COQ8A: variants seen among roughly 807,000 people sequenced by gnomAD.
The protein encoded by COQ8A is coenzyme Q8A, also known as atypical kinase COQ8A, mitochondrial.
A neutral mutation model predicts 65.0 loss-of-function variants in COQ8A; 51 were observed. That is an observed-to-expected ratio of 0.78 (90% CI 0.63 to 0.99). The LOEUF is 0.99. Ranked by LOEUF, COQ8A falls within the 50% of genes least tolerant of loss-of-function variation. The pLI is 0.00. For missense variants in COQ8A, 940 were observed against 875.0 expected, an observed-to-expected ratio of 1.07 and a Z score of -0.94; for synonymous variants, 371 against 353.2, an observed-to-expected ratio of 1.05 and a Z score of -0.57.
intron 11 of COQ8A, 50 bp downstream of exon 11, chr1:226,984,285 G>A (rs1393694951): frequency 1.6e-5 from 26 of 1,608,712 alleles, no homozygotes; most frequent in Non-Finnish European, 2.1e-5. Context: ...CTGCTGTGTG[G>A]CTGTTTGGTG....
chr1:226,986,065 A>G (rs565003305), intron 14 of COQ8A, among the ~76,000 whole-genome samples: 9 of 152,330 alleles, frequency 5.9e-5, no homozygotes, highest in Middle Eastern at 3.4e-3. Flanking sequence ...GTGGGCAGAC[A>G]CACGGCTGCT....
rs1256235907 is a variant in COQ8A at position 226,983,241 on chromosome 1, AG to A, written c.1080+211del. On this transcript the variant is annotated intron_variant, in intron 8 of 14. Transcript: ENST00000366777. ...TAAATGAGTGACTTTGGGGGCACAG[AG>A]GGGCCCCCAGCAAGCTTGATTTGGG... 4.8e-6 allele frequency: 4 copies of A among 832,788 alleles called. No individual in the cohort carries two copies. In the East Asian group the frequency reaches 8.0e-5, roughly 17 times the overall value. 51.6% of individuals were successfully genotyped at this position (832,788 alleles called of 1,614,324 possible).
chr1:226,967,786 G>A (rs1658653622), intron 4 of COQ8A, among the ~76,000 whole-genome samples: 1 of 152,172 alleles, frequency 6.6e-6, no homozygotes, highest in African/African-American at 2.4e-5. Context: ...CCTGATGTAC[G>A]GAGCCATCTG....
At chr1:226,983,443 C>A in intron 8 of COQ8A, 109 bp from the exon 9 acceptor site, 1 of 1,030,952 alleles carries the variant, frequency 9.7e-7, no homozygotes, top group Non-Finnish European at 1.5e-6. Flanking sequence ...AGGGTGTGGG[C>A]TGGGGCCAGG....
chr1:226,962,195 G>C lies in COQ8A; in HGVS notation c.177+633G>C, dbSNP rs189525432. On this transcript the variant is annotated intron_variant, in intron 2 of 14. Transcript: ENST00000366777. Reference sequence around the variant, plus strand: ...CATTTTTCTCCTTCAGTTTGCTGAGGGTCTCTGCACTCCTGACTGGGGGCC... The same window carrying C: ...CATTTTTCTCCTTCAGTTTGCTGAGCGTCTCTGCACTCCTGACTGGGGGCC... Among the ~76,000 whole-genome samples the C allele has an allele frequency of 1.3e-3, 195 of 152,298 alleles. 1 individual carries two copies. Among genetic ancestry groups the C allele is most frequent in the Non-Finnish European group, 2.1e-3 (146 of 68,028 alleles).
chr1:226,960,458 A>AGTG (rs1658155995), intron 1 of COQ8A, among the ~76,000 whole-genome samples: 2 of 11,666 alleles, frequency 1.7e-4, no homozygotes, highest in African/African-American at 5.9e-4. Context: ...TGGTGGTGGC[A>AGTG]GTACTTGGTG....
At chr1:226,945,210 C>T (rs1656960512) in intron 1 of COQ8A, among the ~76,000 whole-genome samples, 1 of 152,146 alleles carries the variant, frequency 6.6e-6, no homozygotes. Flanking sequence ...AATGAGAAAA[C>T]GCAGGCCCCA....
intron 13 of COQ8A, 133 bp downstream of exon 13, chr1:226,985,074 C>G (rs1028843594): frequency 2.3e-6 from 3 of 1,330,930 alleles, no homozygotes; most frequent in Non-Finnish European, 2.1e-6. Context: ...CCCCTCAGGT[C>G]TGGTGACAGC....
At chr1:226,976,912 G>C (rs547116453) in intron 4 of COQ8A, among the ~76,000 whole-genome samples, 59 of 152,270 alleles carry the variant, frequency 3.9e-4, no homozygotes, top group African/African-American at 1.4e-3. Context: ...CCCCTGGCTT[G>C]GATTAGGGGG....
At chr1:226,966,766 T>C (rs901947528) in intron 4 of COQ8A, among the ~76,000 whole-genome samples, 1 of 152,146 alleles carries the variant, frequency 6.6e-6, no homozygotes, top group African/African-American at 2.4e-5. Flanking sequence ...CTGCCTATTC[T>C]CTTTTGGAAA....
rs759913414 is a variant in COQ8A, at chr1:226,984,954, G to A, written c.1572+13G>A. ...CCTCTACATTCAGGTAACTGGAGAG[G>A]GGCCCTGGCCTTGGTCCATGTTTTT... On this transcript the variant is annotated intron_variant, in intron 13 of 14. Coordinates refer to ENST00000366777, the MANE Select transcript of COQ8A (RefSeq NM_020247.5). 6.2e-7 allele frequency: 1 copy of A among 1,613,874 alleles called. No homozygotes were observed. Among genetic ancestry groups the A allele is most frequent in the African/African-American group, 1.3e-5 (1 of 74,928 alleles).
chr1:226,965,437 C>T (rs775252777), intron 3 of COQ8A, 27 bp downstream of exon 3: 30 of 1,598,138 alleles, frequency 1.9e-5, no homozygotes, highest in East Asian at 1.1e-4. Flanking sequence ...CCTGGAGGGC[C>T]GAGGTAGCTG....
In COQ8A at chr1:226,983,697, G is replaced by A. The variant is rs1659860322; in HGVS notation, c.1162+64G>A. 1.9e-6 allele frequency: 3 copies of A among 1,612,024 alleles called. No individual in the cohort carries two copies. In the South Asian group the frequency reaches 3.3e-5, roughly 18 times the overall value. On this transcript the variant is annotated intron_variant, in intron 9 of 14. Transcript: ENST00000366777. The stretch of plus-strand genomic sequence containing the variant: ...TGGCAGGCATCTGTGTTGGGTTCTG[G>A]GGACCAGAGGGGGTCCTCCCTGCAG...
intron 5 of COQ8A, among the ~76,000 whole-genome samples, chr1:226,978,308 C>G (rs1659403849): frequency 6.9e-6 from 1 of 144,608 alleles, no homozygotes; most frequent in African/African-American, 2.5e-5. Flanking sequence ...CTCCACCCAC[C>G]CACCACACAC....
At position 226,983,748 on chromosome 1, in the gene COQ8A, C is replaced by A. The variant is rs577406586; in HGVS notation, c.1163-13C>A. 7.4e-6 allele frequency: 12 copies of A among 1,613,156 alleles called. No homozygotes were observed. The East Asian group carries it at 2.5e-4, about 33-fold the overall frequency. ...AGCCCCCTTCCTCGCTGATGCCCTC[C>A]TCCCTGGCCCAGGCCTGTTCCCCGA... On this transcript the variant is annotated splice_polypyrimidine_tract_variant and intron_variant, in intron 9 of 14. Coordinates refer to ENST00000366777, the MANE Select transcript of COQ8A (RefSeq NM_020247.5).
intron 4 of COQ8A, among the ~76,000 whole-genome samples, chr1:226,971,878 T>G (rs1658928135): frequency 6.6e-6 from 1 of 152,230 alleles, no homozygotes; most frequent in African/African-American, 2.4e-5. Flanking sequence ...CATCTTGAAC[T>G]GTGGCTTCCA....
In COQ8A at chr1:226,983,022, C is replaced by T. The variant is rs929767615; in HGVS notation, c.1068C>T (p.Ala356=). ...GAATGAAGGGCGGCCGCGAGGTGGC[C>T]ATGAAGATCCAGGTAGGCGGCCTGA... ...LARMKGGREV[A]MKIQYPGVAQ... Residue 356 remains alanine, a synonymous_variant, in exon 8 of 15, where the codon GCC becomes GCT. Transcript: ENST00000366777. 30 of 1,588,636 alleles carry T rather than the reference C, an allele frequency of 1.9e-5. No individual in the cohort carries two copies. Among genetic ancestry groups the T allele is most frequent in the East Asian group, 1.8e-4 (8 of 43,348 alleles).
intron 10 of COQ8A, 57 bp downstream of exon 10, chr1:226,983,911 T>C: frequency 3.2e-6 from 5 of 1,579,998 alleles, no homozygotes; most frequent in Non-Finnish European, 3.4e-6. Context: ...GAAGGGACCA[T>C]GTTCAGCAGC....
Position 226,940,403 on chromosome 1 carries a change from A to T in COQ8A, c.-10+4A>T, listed in dbSNP as rs1226811514. ...GATCCCAGCTTCCTGCAGCCAGGTA[A>T]GGCTGCCACCCGCCGGCCCGCCGCG... is the stretch of plus-strand genomic sequence containing the variant. On this transcript the variant is annotated splice_donor_region_variant and intron_variant, in intron 1 of 14. Coordinates refer to ENST00000366777, the MANE Select transcript of COQ8A (RefSeq NM_020247.5). 2 of 152,252 alleles carry T rather than the reference A, an allele frequency of 1.3e-5. No individual in the cohort carries two copies. The highest frequency in any genetic ancestry group is 2.9e-5 in the Non-Finnish European group (2 of 68,076). The allele number at this position is 152,252 out of a possible 1,614,324, so 9.4% of individuals were successfully genotyped here.
Sources: gnomAD v4.1 joint callset for allele counts (sites outside exome capture counted in the v4.1 genomes callset) on GRCh38, gnomAD v4.1.1 for gene constraint, MANE v1.5 for transcripts, NCBI Gene and HGNC (gene_info 2026-07-23, HGNC 2026-07-21) for gene names.